Variants in ATP6V0D2 observed in about 807,000 individuals in gnomAD.
The protein encoded by ATP6V0D2 is ATPase H+ transporting V0 subunit d2, also known as V-type proton ATPase subunit d 2.
In ATP6V0D2, 40 loss-of-function variants were observed where a neutral mutation model predicts 40.0. That is an observed-to-expected ratio of 1.00 (90% CI 0.78 to 1.30). ATP6V0D2 has a LOEUF of 1.30. Among genes scored for constraint, ATP6V0D2 ranks in the 50% most tolerant of loss-of-function variants. The pLI, the probability that ATP6V0D2 is intolerant of heterozygous loss-of-function variation, is 0.00. For missense variants in ATP6V0D2, 470 were observed against 423.1 expected, an observed-to-expected ratio of 1.11 and a Z score of -0.97; for synonymous variants, 179 against 156.3, an observed-to-expected ratio of 1.15 and a Z score of -1.08.
chr8:86,135,344 C>T (rs1818882861), intron 2 of ATP6V0D2, among the ~76,000 whole-genome samples: 2 of 152,094 alleles, frequency 1.3e-5, no homozygotes. Context: ...CTTAAATAAG[C>T]TAGGGAGCAG....
At chr8:86,105,503 G>T (rs971033470) in intron 1 of ATP6V0D2, among the ~76,000 whole-genome samples, 2 of 151,898 alleles carry the variant, frequency 1.3e-5, no homozygotes, top group Admixed American at 1.3e-4. Context: ...TATTCATGTT[G>T]CGCAGGCTGG....
intron 6 of ATP6V0D2, 55 bp from the exon 7 acceptor site, chr8:86,151,411 A>G (rs530543915): frequency 3.0e-5 from 35 of 1,169,838 alleles, no homozygotes; most frequent in Non-Finnish European, 4.0e-5. Context: ...AAATATATTT[A>G]TATACATTTA....
intron 1 of ATP6V0D2, 109 bp from the exon 2 acceptor site, chr8:86,113,600 A>G (rs1281789838): frequency 1.1e-6 from 1 of 922,914 alleles, no homozygotes; most frequent in Non-Finnish European, 1.6e-6. Flanking sequence ...ATCTAATAAG[A>G]TAATACATAT....
rs774072838 is a variant in ATP6V0D2, at chr8:86,139,478, T to C, written c.324T>C (p.Asn108=). The change falls in exon 3 of 8, where the codon AAT becomes AAC. Residue 108 remains asparagine, a synonymous_variant. Coordinates refer to ENST00000285393, the MANE Select transcript of ATP6V0D2 (RefSeq NM_152565.1). ...TYMTCSYMID[N]VILLMNGALQ... ...CCAGGTGCAGTTATATGATAGACAA[T>C]GTGATTCTGCTGATGAATGGTGCAT... 2.0e-5 allele frequency: 33 copies of C among 1,611,842 alleles called. No individual in the cohort carries two copies. The highest frequency in any genetic ancestry group is 2.7e-5 in the Non-Finnish European group (32 of 1,179,168).
chr8:86,111,853 T>G (rs771287803), intron 1 of ATP6V0D2, among the ~76,000 whole-genome samples: 2 of 152,232 alleles, frequency 1.3e-5, no homozygotes, highest in Non-Finnish European at 2.9e-5. Flanking sequence ...GGTCTCATTT[T>G]CTATGTTCCC....
chr8:86,127,457 CT>C (rs576240550), intron 2 of ATP6V0D2, among the ~76,000 whole-genome samples: 240 of 145,812 alleles, frequency 1.6e-3, no homozygotes, highest in Admixed American at 1.9e-3. Flanking sequence ...CCCTGAAATG[CT>C]TTTTTTTTTT....
chr8:86,117,365 T>C (rs142474642), intron 2 of ATP6V0D2, among the ~76,000 whole-genome samples: 346 of 152,360 alleles, frequency 2.3e-3, no homozygotes, highest in Middle Eastern at 0.01. Context: ...TGGTCCATTT[T>C]AGAATTTATT....
At chr8:86,131,892 A>C (rs1818829980) in intron 2 of ATP6V0D2, among the ~76,000 whole-genome samples, 1 of 152,206 alleles carries the variant, frequency 6.6e-6, no homozygotes, top group Admixed American at 6.5e-5. Flanking sequence ...ACATTCTATA[A>C]GACAGCAACC....
At chr8:86,114,826 A>T (rs892594887) in intron 2 of ATP6V0D2, among the ~76,000 whole-genome samples, 4 of 152,204 alleles carry the variant, frequency 2.6e-5, no homozygotes, top group African/African-American at 9.6e-5. Context: ...GAACAAAGAC[A>T]CACAAATAAA....
chr8:86,134,743 C>T lies in ATP6V0D2; in HGVS notation c.303-4714C>T, dbSNP rs545030265. Among the ~76,000 whole-genome samples the T allele has an allele frequency of 4.6e-5, 7 of 152,084 alleles. No homozygotes were observed. The East Asian group carries it at 7.7e-4, about 17-fold the overall frequency. On this transcript the variant is annotated intron_variant, in intron 2 of 7. Transcript: ENST00000285393. The stretch of plus-strand genomic sequence containing the variant: ...ACAGATGTTCTTAGCAGTTGTTATT[C>T]ATAATAGCCAAAAACTAGAAAAAAA...
chr8:86,147,097 T>C (rs183201829), intron 5 of ATP6V0D2, among the ~76,000 whole-genome samples: 1 of 152,308 alleles, frequency 6.6e-6, no homozygotes, highest in Admixed American at 6.5e-5. Context: ...TTATGGTTAA[T>C]AGGGCAGTGA....
At chr8:86,142,578 T>C (rs1243278934) in intron 4 of ATP6V0D2, among the ~76,000 whole-genome samples, 3 of 152,240 alleles carry the variant, frequency 2.0e-5, no homozygotes, top group African/African-American at 7.2e-5. Flanking sequence ...CTTGGCACTC[T>C]TGTTAAAATA....
In ATP6V0D2 at chr8:86,113,800, G is replaced by A. The variant is rs1225726994; in HGVS notation, c.222G>A (p.Met74Ile). 8 of 1,613,920 alleles carry A rather than the reference G, an allele frequency of 5.0e-6. No homozygotes were observed. The highest frequency in any genetic ancestry group is 6.8e-6 in the Non-Finnish European group (8 of 1,179,900). ...CTGTTTCCAAAATTGACACTGAGAT[G>A]AGGAAAAGACTATGTGGAGAATTTG... Reference protein sequence around the residue: ...PLTVSKIDTEMRKRLCGEFEY... With the variant: ...PLTVSKIDTEIRKRLCGEFEY... The change falls in exon 2 of 8, where the codon ATG becomes ATA. Residue 74 changes from methionine (M) to isoleucine (I), a missense_variant. Transcript: ENST00000285393.
chr8:86,107,040 A>AG, intron 1 of ATP6V0D2, among the ~76,000 whole-genome samples: 1 of 151,786 alleles, frequency 6.6e-6, no homozygotes, highest in East Asian at 1.9e-4. Context: ...TGTCTAAAAA[A>AG]AAAATGACAC....
At chr8:86,111,962 G>T (rs1012132205) in intron 1 of ATP6V0D2, among the ~76,000 whole-genome samples, 1 of 152,186 alleles carries the variant, frequency 6.6e-6, no homozygotes, top group Non-Finnish European at 1.5e-5. Context: ...CCTTGGGAAT[G>T]AGGAATATTT....
chr8:86,116,026 C>T (rs1019769948), intron 2 of ATP6V0D2, among the ~76,000 whole-genome samples: 2 of 152,086 alleles, frequency 1.3e-5, no homozygotes, highest in African/African-American at 4.8e-5. Flanking sequence ...AATTTCACAT[C>T]GCATCATACA....
chr8:86,104,457 T>C (rs1192027088), intron 1 of ATP6V0D2, among the ~76,000 whole-genome samples: 2 of 152,102 alleles, frequency 1.3e-5, no homozygotes, highest in South Asian at 2.1e-4. Flanking sequence ...CCAAGATACA[T>C]TAAGTCAGAA....
chr8:86,142,709 A>T (rs1215070944), intron 4 of ATP6V0D2, among the ~76,000 whole-genome samples, 168 bp from the exon 5 acceptor site: 1 of 152,228 alleles, frequency 6.6e-6, no homozygotes, highest in Non-Finnish European at 1.5e-5. Flanking sequence ...ACTGTGCAAC[A>T]TGCTGCAATG....
intron 2 of ATP6V0D2, among the ~76,000 whole-genome samples, chr8:86,129,906 G>T (rs1212605416): frequency 1.3e-5 from 2 of 150,798 alleles, no homozygotes; most frequent in African/African-American, 4.9e-5. Flanking sequence ...GAGCCCAGGA[G>T]GTCGAGGCTG....
Sources: gnomAD v4.1 joint callset for allele counts (sites outside exome capture counted in the v4.1 genomes callset) on GRCh38, gnomAD v4.1.1 for gene constraint, MANE v1.5 for transcripts, NCBI Gene and HGNC (gene_info 2026-07-23, HGNC 2026-07-21) for gene names.